The following MEGF10 variants were observed in gnomAD, a reference collection of about 807,000 sequenced individuals.
MEGF10 encodes the protein multiple epidermal growth factor-like domains protein 10.
Under a neutral mutation model 147.5 loss-of-function variants are expected in MEGF10, and 86 were observed. The observed-to-expected ratio is 0.58, with a 90% CI of 0.49 to 0.70. The LOEUF (loss-of-function observed/expected upper bound fraction) is 0.70, where lower values mean the gene tolerates loss of function less well. Among genes scored for constraint, MEGF10 ranks in the 30% least tolerant of loss-of-function variants. The probability of loss-of-function intolerance (pLI) is 0.00; values close to 1 mark genes in which losing one functional copy is unlikely to be tolerated. For synonymous variants in MEGF10, 478 were observed against 525.5 expected, an observed-to-expected ratio of 0.91 and a Z score of 1.24; for missense variants, 1,329 against 1,487.3, an observed-to-expected ratio of 0.89 and a Z score of 1.75.
chr5:127,279,792 A>C, the MEGF10 span, among the ~76,000 whole-genome samples: 1 of 152,242 alleles, frequency 6.6e-6, no homozygotes, highest in Non-Finnish European at 1.5e-5. Context: ...TGTAAAATCA[A>C]CCAAGGTAGA....
intron 15 of MEGF10, 48 bp downstream of exon 15, chr5:127,434,869 C>A: frequency 5.1e-6 from 8 of 1,582,718 alleles, no homozygotes; most frequent in Non-Finnish European, 6.8e-6. Context: ...GAGCACGCCC[C>A]GGAGAGTCTG....
intron 1 of MEGF10, among the ~76,000 whole-genome samples, chr5:127,326,614 G>T (rs891880127): frequency 2.6e-5 from 4 of 152,192 alleles, no homozygotes; most frequent in African/African-American, 9.7e-5. Flanking sequence ...GCTCCAGGAA[G>T]AACTTAGCAC....
intron 9 of MEGF10, 53 bp downstream of exon 9, chr5:127,410,654 G>C: frequency 6.7e-7 from 1 of 1,482,680 alleles, no homozygotes; most frequent in Non-Finnish European, 9.1e-7. Flanking sequence ...TTTAACCTTG[G>C]TTTTCAGGAT....
intron 5 of MEGF10, among the ~76,000 whole-genome samples, chr5:127,377,473 A>G (rs1457973033): frequency 6.6e-6 from 1 of 152,178 alleles, no homozygotes; most frequent in Non-Finnish European, 1.5e-5. Flanking sequence ...CTTGGGTTTT[A>G]TTGAGTCACT....
chr5:127,288,522 G>A (rs771532791), upstream of MEGF10, among the ~76,000 whole-genome samples: 14 of 152,044 alleles, frequency 9.2e-5, no homozygotes, highest in Admixed American at 9.2e-4. Flanking sequence ...GTAAGGAAAC[G>A]CAAATTAAAA....
At chr5:127,417,433 G>A (rs1042237373) in intron 9 of MEGF10, among the ~76,000 whole-genome samples, 3 of 152,186 alleles carry the variant, frequency 2.0e-5, no homozygotes, top group Non-Finnish European at 4.4e-5. Context: ...TGATGCTGAT[G>A]ATGCTGATTT....
At chr5:127,275,006 A>G in the MEGF10 span, among the ~76,000 whole-genome samples, 2 of 152,196 alleles carry the variant, frequency 1.3e-5, no homozygotes, top group African/African-American at 4.8e-5. Flanking sequence ...GAAATAACTG[A>G]AGGAAAAACC....
chr5:127,345,049 C>T (rs1347961400), intron 4 of MEGF10, among the ~76,000 whole-genome samples: 1 of 152,162 alleles, frequency 6.6e-6, no homozygotes, highest in Non-Finnish European at 1.5e-5. Context: ...CATTGAGGGC[C>T]AGAGCGTCCT....
At chr5:127,229,719 T>A in the MEGF10 span, 1 of 152,080 alleles carries the variant, frequency 6.6e-6, no homozygotes, top group Non-Finnish European at 1.5e-5. Context: ...CCTCACCTCC[T>A]CCGGGCGTGT....
In MEGF10 at chr5:127,458,372, A is replaced by G. The variant is rs1766443208; in HGVS notation, c.*1054A>G. ...GGAACTTTCCTTTTATTAATTGTCA[A>G]TTTAGAGAAACTATGCTTAAGCTGG... is the stretch of plus-strand genomic sequence containing the variant. On this transcript the variant is annotated 3_prime_UTR_variant, in exon 25 of 25. Transcript: ENST00000503335. 6.6e-6 allele frequency: 1 copy of G among 152,210 alleles called. No individual in the cohort carries two copies. Among genetic ancestry groups the G allele is most frequent in the African/African-American group, 2.4e-5 (1 of 41,466 alleles). 9.4% of individuals were successfully genotyped at this position (152,210 alleles called of 1,614,324 possible). A position where few individuals can be genotyped will look rare whatever the true frequency, so the allele number is the denominator to read the frequency against.
intron 4 of MEGF10, among the ~76,000 whole-genome samples, chr5:127,356,122 A>G (rs1231787563): frequency 1.3e-5 from 2 of 152,238 alleles, no homozygotes; most frequent in African/African-American, 4.8e-5. Context: ...AATAATGGAA[A>G]AAACACAGTT....
At chr5:127,415,657 A>G (rs1764734048) in intron 9 of MEGF10, among the ~76,000 whole-genome samples, 1 of 152,108 alleles carries the variant, frequency 6.6e-6, no homozygotes, top group Non-Finnish European at 1.5e-5. Context: ...TAATCCCAGC[A>G]CTTTGGGAGG....
chr5:127,445,210 G>A, intron 19 of MEGF10: 1 of 491,836 alleles, frequency 2.0e-6, no homozygotes, highest in South Asian at 2.3e-5. Flanking sequence ...GGAACTCCGG[G>A]CACGCATCAC....
At chr5:127,326,861 T>A (rs915836793) in intron 1 of MEGF10, among the ~76,000 whole-genome samples, 2 of 152,208 alleles carry the variant, frequency 1.3e-5, no homozygotes, top group African/African-American at 4.8e-5. Context: ...TTTCTATGTG[T>A]GCACTTAATT....
At chr5:127,306,051 T>C (rs1759997359) in intron 1 of MEGF10, among the ~76,000 whole-genome samples, 1 of 152,222 alleles carries the variant, frequency 6.6e-6, no homozygotes, top group Non-Finnish European at 1.5e-5. Flanking sequence ...ACTGAGACAT[T>C]AACTCTTCAC....
At position 127,395,171 on chromosome 5, in the gene MEGF10, G is replaced by A. The variant is rs1052119572; in HGVS notation, c.413-1361G>A. Reference sequence around the variant, plus strand: ...ATCTAATAAATATACCGCTGGCTCAGCAATACATACTAAGAGTAGATTTTG... The same window carrying A: ...ATCTAATAAATATACCGCTGGCTCAACAATACATACTAAGAGTAGATTTTG... On this transcript the variant is annotated intron_variant, in intron 5 of 24. Coordinates refer to ENST00000503335, the MANE Select transcript of MEGF10 (RefSeq NM_001256545.2). Among the ~76,000 whole-genome samples, 5 of 152,164 alleles carry A rather than the reference G, an allele frequency of 3.3e-5. 1 individual carries two copies.
chr5:127,285,189 A>G, the MEGF10 span, among the ~76,000 whole-genome samples: 1 of 152,158 alleles, frequency 6.6e-6, no homozygotes, highest in Non-Finnish European at 1.5e-5. Context: ...TTTGTTCAAG[A>G]GCATCGTGGC....
intron 1 of MEGF10, among the ~76,000 whole-genome samples, chr5:127,296,299 C>T (rs1168555159): frequency 2.0e-5 from 3 of 152,098 alleles, no homozygotes; most frequent in Non-Finnish European, 4.4e-5. Context: ...GATAATACAT[C>T]CTGTTATTAT....
intron 13 of MEGF10, among the ~76,000 whole-genome samples, 191 bp downstream of exon 13, chr5:127,422,963 A>G (rs796837332): frequency 3.3e-5 from 5 of 152,240 alleles, no homozygotes; most frequent in South Asian, 4.1e-4. Context: ...GTGTAGGGGC[A>G]GTTCTCTTGA....
Sources: gnomAD v4.1 joint callset for allele counts (sites outside exome capture counted in the v4.1 genomes callset) on GRCh38, gnomAD v4.1.1 for gene constraint, MANE v1.5 for transcripts, NCBI Gene and HGNC (gene_info 2026-07-23, HGNC 2026-07-21) for gene names.